The following REEP3 variants were observed in gnomAD, a reference collection of about 807,000 sequenced individuals.
REEP3 encodes the protein receptor expression-enhancing protein 3.
In REEP3, 20 loss-of-function variants were observed where a neutral mutation model predicts 41.3. That is an observed-to-expected ratio of 0.48 (90% confidence interval 0.34 to 0.70). REEP3 has a LOEUF of 0.70. Ranked by LOEUF, REEP3 falls within the 30% of genes least tolerant of loss-of-function variation. The pLI is 0.01. For synonymous variants in REEP3, 104 were observed against 101.8 expected (o/e 1.02, Z -0.13); for missense variants, 271 against 308.8 (o/e 0.88, Z 0.92).
chr10:63,569,327 G>A (rs1303624776), intron 2 of REEP3, among the ~76,000 whole-genome samples: 1 of 151,934 alleles, frequency 6.6e-6, no homozygotes, highest in African/African-American at 2.4e-5. Flanking sequence ...TGAAGTACAG[G>A]GTATTATGTC....
intron 3 of REEP3, among the ~76,000 whole-genome samples, chr10:63,597,041 G>A (rs1956121906): frequency 6.6e-6 from 1 of 152,136 alleles, no homozygotes. Context: ...GGGAGTCGAA[G>A]GGTGTTCTAA....
intron 2 of REEP3, among the ~76,000 whole-genome samples, chr10:63,587,022 C>T (rs1956014573): frequency 6.6e-6 from 1 of 150,548 alleles, no homozygotes; most frequent in Admixed American, 6.6e-5. Flanking sequence ...TGGCCTCCCA[C>T]TCAGAATATA....
intron 6 of REEP3, among the ~76,000 whole-genome samples, chr10:63,611,671 A>G (rs1193049636): frequency 6.6e-6 from 1 of 152,094 alleles, no homozygotes; most frequent in East Asian, 1.9e-4. Flanking sequence ...TAAAAAAAGA[A>G]GTTTTCTTTT....
At chr10:63,564,633 A>G (rs916738129) in intron 1 of REEP3, among the ~76,000 whole-genome samples, 1 of 151,772 alleles carries the variant, frequency 6.6e-6, no homozygotes, top group Non-Finnish European at 1.5e-5. Flanking sequence ...AAAAAAAAAA[A>G]GAAATGCGCA....
chr10:63,558,674 C>T (rs986236398), intron 1 of REEP3, among the ~76,000 whole-genome samples: 20 of 152,002 alleles, frequency 1.3e-4, no homozygotes, highest in Admixed American at 9.8e-4. Context: ...ACCCAGGAGG[C>T]GGAGGTTGCA....
At chr10:63,575,049 T>C (rs1955886667) in intron 2 of REEP3, among the ~76,000 whole-genome samples, 1 of 151,812 alleles carries the variant, frequency 6.6e-6, no homozygotes, top group South Asian at 2.1e-4. Context: ...AGAGATGGGG[T>C]TTCACCATAT....
intron 1 of REEP3, among the ~76,000 whole-genome samples, chr10:63,538,513 C>A (rs992873660): frequency 7.9e-5 from 12 of 152,128 alleles, no homozygotes; most frequent in African/African-American, 2.4e-4. Context: ...GCGGGCGGAT[C>A]ACCTGATGTC....
rs1187957025 is a variant in REEP3, at chr10:63,598,162, C to T, written c.303+18C>T. 3 of 1,540,788 alleles carry T rather than the reference C, an allele frequency of 1.9e-6. No homozygotes were observed. The highest frequency in any genetic ancestry group is 1.4e-5 in the African/African-American group (1 of 73,104). ...AGGAAAGGGTAAGATATATAAATTACTTCCGTAAATAATTTTTTAGAAATG... is the reference window on the plus strand; with the variant it reads ...AGGAAAGGGTAAGATATATAAATTATTTCCGTAAATAATTTTTTAGAAATG... On this transcript the variant is annotated intron_variant, in intron 4 of 7. Coordinates refer to ENST00000373758, the MANE Select transcript of REEP3 (RefSeq NM_001001330.3).
At chr10:63,576,870 A>G (rs556622684) in intron 2 of REEP3, among the ~76,000 whole-genome samples, 116 of 152,180 alleles carry the variant, frequency 7.6e-4, no homozygotes, top group Admixed American at 2.2e-3. Context: ...ATATAAAGAC[A>G]CCAGCCCTAT....
chr10:63,552,760 G>C (rs1955641415), intron 1 of REEP3, among the ~76,000 whole-genome samples: 1 of 152,328 alleles, frequency 6.6e-6, no homozygotes, highest in Non-Finnish European at 1.5e-5. Flanking sequence ...GACTGCCTTT[G>C]AGTGACGTTT....
chr10:63,550,125 T>C (rs1333391021), intron 1 of REEP3, among the ~76,000 whole-genome samples: 2 of 152,206 alleles, frequency 1.3e-5, no homozygotes, highest in East Asian at 1.9e-4. Context: ...AAATGTGTTA[T>C]TGGCCACGAG....
chr10:63,523,431 G>T (rs560867735), intron 1 of REEP3, among the ~76,000 whole-genome samples: 1 of 152,276 alleles, frequency 6.6e-6, no homozygotes, highest in African/African-American at 2.4e-5. Flanking sequence ...ACAAGAGTTA[G>T]AGACCAGCCT....
chr10:63,592,523 C>T (rs973178172), intron 2 of REEP3, among the ~76,000 whole-genome samples: 2 of 152,104 alleles, frequency 1.3e-5, no homozygotes, highest in East Asian at 1.9e-4. Context: ...AAAAAGCACA[C>T]GGTTCAGTTT....
At chr10:63,609,145 C>A (rs1301007665) in intron 5 of REEP3, among the ~76,000 whole-genome samples, 1 of 152,166 alleles carries the variant, frequency 6.6e-6, no homozygotes. Context: ...AATGTCATGT[C>A]TCTTTTACTT....
chr10:63,578,685 G>T (rs1465733330), intron 2 of REEP3, among the ~76,000 whole-genome samples: 1 of 152,124 alleles, frequency 6.6e-6, no homozygotes, highest in African/African-American at 2.4e-5. Flanking sequence ...GTTGATGTGG[G>T]AGGATCGCTC....
chr10:63,605,551 A>C (rs1956216968), intron 5 of REEP3, among the ~76,000 whole-genome samples: 1 of 152,240 alleles, frequency 6.6e-6, no homozygotes, highest in Non-Finnish European at 1.5e-5. Context: ...TCTGTGATTT[A>C]AAATGTGAAG....
intron 2 of REEP3, among the ~76,000 whole-genome samples, chr10:63,572,387 A>T (rs1018131042): frequency 5.9e-5 from 9 of 151,992 alleles, no homozygotes; most frequent in Non-Finnish European, 7.4e-5. Flanking sequence ...CATGTGTGAC[A>T]TGGTGGTTTG....
chr10:63,526,540 T>C (rs2133335551), intron 1 of REEP3, among the ~76,000 whole-genome samples: 1 of 152,234 alleles, frequency 6.6e-6, no homozygotes, highest in South Asian at 2.1e-4. Flanking sequence ...CAGCAATGTG[T>C]GAGTACTTTC....
chr10:63,598,060 C>T lies in REEP3; in HGVS notation c.219C>T (p.Val73=). Residue 73 remains valine (V), a synonymous_variant, in exon 4 of 8, where the codon GTC becomes GTT. Transcript: ENST00000373758. ...ACTATGAGCTGAAGATTGCTTTTGTCATATGGCTGCTTTCTCCCTATACCA... is the reference window on the plus strand; with the variant it reads ...ACTATGAGCTGAAGATTGCTTTTGTTATATGGCTGCTTTCTCCCTATACCA... ...PLYYELKIAF[V]IWLLSPYTKG... 1 of 1,610,360 alleles carries T rather than the reference C, an allele frequency of 6.2e-7. No homozygotes were observed. The highest frequency in any genetic ancestry group is 8.5e-7 in the Non-Finnish European group (1 of 1,176,812).
Sources: allele counts gnomAD v4.1 joint callset (sites outside exome capture counted in the v4.1 genomes callset), GRCh38; gene constraint gnomAD v4.1.1; transcripts MANE v1.5; gene names NCBI Gene and HGNC (gene_info 2026-07-23, HGNC 2026-07-21).